Variants in TSHZ3 observed in about 807,000 individuals in gnomAD.
TSHZ3 encodes teashirt zinc finger homeobox 3.
TSHZ3 carries 10 observed loss-of-function variants against 64.5 expected under a neutral mutation model. That is an observed-to-expected ratio of 0.16 (90% confidence interval 0.10 to 0.26). The LOEUF (loss-of-function observed/expected upper bound fraction) is 0.26. TSHZ3 is among the 10% of genes least tolerant of loss of function. The pLI, the probability that TSHZ3 is intolerant of heterozygous loss-of-function variation, is 1.00. For synonymous variants in TSHZ3, 608 were observed against 593.1 expected, an observed-to-expected ratio of 1.03 and a Z score of -0.36; for missense variants, 1,242 against 1,421.7, an observed-to-expected ratio of 0.87 and a Z score of 2.03.
At chr19:31,344,038 C>T (rs1386016403) in intron 1 of TSHZ3, among the ~76,000 whole-genome samples, 1 of 151,928 alleles carries the variant, frequency 6.6e-6, no homozygotes, top group Non-Finnish European at 1.5e-5. Flanking sequence ...GACTGCCTGT[C>T]TATTGAGTCT....
intron 5 of TSHZ3, among the ~76,000 whole-genome samples, chr19:31,201,757 A>G (rs559463436): frequency 2.6e-5 from 4 of 152,278 alleles, no homozygotes; most frequent in Non-Finnish European, 5.9e-5. Context: ...TTAAGAAATA[A>G]AAGTTGGAAA....
intron 5 of TSHZ3, among the ~76,000 whole-genome samples, chr19:31,193,704 G>A (rs921129523): frequency 1.3e-5 from 2 of 152,106 alleles, no homozygotes; most frequent in Admixed American, 6.5e-5. Flanking sequence ...CTTAAAATCT[G>A]TAAAGCACAC....
chr19:31,204,273 T>G lies in TSHZ3; in HGVS notation n.809+683A>C, dbSNP rs890860453. Among the ~76,000 whole-genome samples the G allele has an allele frequency of 7.2e-5, 11 of 151,828 alleles. No individual in the cohort carries two copies. The East Asian group carries it at 2.1e-3, about 30-fold the overall frequency. ...CTTCTTTCCTCTCTTCTTCTCTTGC[T>G]CCCTCTCTTCCTTCCTTTTTTCTTT... On this transcript the variant is annotated intron_variant and non_coding_transcript_variant, in intron 5 of 6. Coordinates refer to the TSHZ3 transcript ENST00000651361.
intron 4 of TSHZ3, among the ~76,000 whole-genome samples, chr19:31,205,172 A>G (rs953398987): frequency 8.5e-5 from 13 of 152,140 alleles, no homozygotes; most frequent in South Asian, 2.1e-4. Flanking sequence ...CACAGCTATC[A>G]GTCCCTGAGC....
chr19:31,190,070 C>A (rs1255159046), intron 5 of TSHZ3, among the ~76,000 whole-genome samples: 2 of 150,326 alleles, frequency 1.3e-5, no homozygotes, highest in Non-Finnish European at 3.0e-5. Flanking sequence ...GAGTGTTTTT[C>A]TTGAAGTAGC....
chr19:31,159,210 A>G (rs1452216567), intron 5 of TSHZ3, among the ~76,000 whole-genome samples: 1 of 152,198 alleles, frequency 6.6e-6, no homozygotes, highest in African/African-American at 2.4e-5. Flanking sequence ...CATTTTGGCC[A>G]GGCTGGTCTT....
Position 31,279,903 on chromosome 19 carries a change from G to A in TSHZ3, c.41-151C>T, listed in dbSNP as rs1421683173. ...TCAGGAAAACACAGCAACCCAGATG[G>A]GTACATGTATTTGTAAAATTAAACA... On this transcript the variant is annotated intron_variant, in intron 1 of 1. Transcript: ENST00000240587. This position sits in a 1 kb window ranked among gnomAD's most constrained non-coding sequence, Gnocchi z 6.4. The A allele has an allele frequency of 2.0e-6, 1 of 508,456 alleles. No individual in the cohort carries two copies. Among genetic ancestry groups the A allele is most frequent in the Non-Finnish European group, 3.1e-6 (1 of 322,214 alleles). The allele number at this position is 508,456 out of a possible 1,614,324, so 31.5% of individuals were successfully genotyped here.
intron 1 of TSHZ3, among the ~76,000 whole-genome samples, chr19:31,307,687 T>C (rs1273955972): frequency 6.6e-6 from 1 of 152,212 alleles, no homozygotes; most frequent in Non-Finnish European, 1.5e-5. Context: ...CCAATGATAA[T>C]ACACAATTTT....
At chr19:31,296,675 T>C (rs979740842) in intron 1 of TSHZ3, among the ~76,000 whole-genome samples, 1 of 152,168 alleles carries the variant, frequency 6.6e-6, no homozygotes, top group Non-Finnish European at 1.5e-5. Context: ...GAATTTTTAT[T>C]TGTAGCATGC....
chr19:31,339,460 G>A (rs1188521505), intron 1 of TSHZ3, among the ~76,000 whole-genome samples: 1 of 152,016 alleles, frequency 6.6e-6, no homozygotes, highest in Non-Finnish European at 1.5e-5. Flanking sequence ...CAAATCAGCA[G>A]AGCTCCCTCC....
intron 1 of TSHZ3, among the ~76,000 whole-genome samples, chr19:31,258,484 C>T (rs141640347): frequency 6.0e-4 from 92 of 152,264 alleles, no homozygotes; most frequent in Admixed American, 1.6e-3. Flanking sequence ...TCCTATGAGT[C>T]TCTCCCTGGC....
chr19:31,159,236 G>A (rs1426834556), intron 5 of TSHZ3, among the ~76,000 whole-genome samples: 2 of 151,902 alleles, frequency 1.3e-5, no homozygotes, highest in South Asian at 2.1e-4. Flanking sequence ...CCTGACCTCC[G>A]GTAATCCACC....
intron 5 of TSHZ3, among the ~76,000 whole-genome samples, chr19:31,159,851 C>T (rs1974351861): frequency 6.6e-6 from 1 of 152,040 alleles, no homozygotes; most frequent in Admixed American, 6.6e-5. Flanking sequence ...TGCCACCATG[C>T]CCAGCTAATC....
At chr19:31,215,935 T>TAA (rs200676584) in intron 4 of TSHZ3, among the ~76,000 whole-genome samples, 2 of 151,514 alleles carry the variant, frequency 1.3e-5, no homozygotes, top group African/African-American at 4.8e-5. Context: ...CCAATTGGCT[T>TAA]AAAAAAACTA....
chr19:31,169,417 G>A (rs1974504027), intron 5 of TSHZ3, among the ~76,000 whole-genome samples: 1 of 152,190 alleles, frequency 6.6e-6, no homozygotes, highest in Non-Finnish European at 1.5e-5. Context: ...AAATGCCATA[G>A]AGACAAAGTA....
Position 31,278,247 on chromosome 19 carries a change from G to A in TSHZ3, c.1546C>T (p.Pro516Ser). The part of the protein sequence containing the change: ...YLTENDLEES[P>S]KGGLDILKSL... Reference sequence around the variant, plus strand: ...TTGAGGATATCAAGCCCCCCCTTGGGACTCTCTTCTAAGTCATTTTCAGTC... The same window carrying A: ...TTGAGGATATCAAGCCCCCCCTTGGAACTCTCTTCTAAGTCATTTTCAGTC... The change falls in exon 2 of 2, where the codon CCC becomes TCC. Residue 516 changes from proline (P) to serine (S), a missense_variant. Physicochemically the swap from Pro to Ser is moderately conservative, Grantham distance 74. This residue lies in a region of TSHZ3 where 555 missense variants were observed against 704.0 expected (regional missense o/e 0.79). Coordinates refer to ENST00000240587, the MANE Select transcript of TSHZ3 (RefSeq NM_020856.4). This position sits in a 1 kb window ranked among gnomAD's most constrained non-coding sequence, Gnocchi z 4.7. The A allele has an allele frequency of 1.2e-6, 2 of 1,614,186 alleles. No homozygotes were observed. Among genetic ancestry groups the A allele is most frequent in the Non-Finnish European group, 1.7e-6 (2 of 1,180,030 alleles).
At chr19:31,180,768 C>T (rs575878628) in intron 5 of TSHZ3, among the ~76,000 whole-genome samples, 37 of 152,300 alleles carry the variant, frequency 2.4e-4, no homozygotes, top group African/African-American at 8.4e-4. Context: ...ATTTCTGTTG[C>T]TTTTATGATA....
At chr19:31,288,205 G>A (rs1976499600) in intron 1 of TSHZ3, among the ~76,000 whole-genome samples, 1 of 152,172 alleles carries the variant, frequency 6.6e-6, no homozygotes, top group Admixed American at 6.5e-5. Flanking sequence ...GAAGGTGGCT[G>A]TCAGGTGTGT....
At chr19:31,156,974 G>A (rs1399583551) in intron 5 of TSHZ3, among the ~76,000 whole-genome samples, 5 of 152,152 alleles carry the variant, frequency 3.3e-5, no homozygotes, top group African/African-American at 4.8e-5. Flanking sequence ...ATGCAGCAGC[G>A]ATGAGACTGA....
Sources: allele counts gnomAD v4.1 joint callset (sites outside exome capture counted in the v4.1 genomes callset), GRCh38; gene constraint gnomAD v4.1.1; regional missense constraint gnomAD v4.1.1; non-coding constraint Gnocchi (gnomAD v3.1); transcripts MANE v1.5; gene names NCBI Gene and HGNC (gene_info 2026-07-23, HGNC 2026-07-21).